The following WNT7B variants were observed in gnomAD, a reference collection of about 807,000 sequenced individuals.
WNT7B encodes the protein Wnt family member 7B, also known as protein Wnt-7b.
WNT7B carries 19 observed loss-of-function variants against 38.2 expected under a neutral mutation model. The ratio of observed to expected loss-of-function variants is 0.50; its 90% confidence interval spans 0.35 to 0.73. The LOEUF is 0.73. WNT7B is among the 30% of genes least tolerant of loss of function. WNT7B has a pLI of 0.01. For synonymous variants in WNT7B, 243 were observed against 209.3 expected (o/e 1.16, Z -1.39); for missense variants, 423 against 507.9 (o/e 0.83, Z 1.61).
chr22:45,930,878 C>T (rs948536372), intron 3 of WNT7B, among the ~76,000 whole-genome samples: 6 of 152,322 alleles, frequency 3.9e-5, no homozygotes, highest in African/African-American at 1.4e-4. Flanking sequence ...ATCGCGTTGG[C>T]ATTCAGAGCC....
At position 45,951,953 on chromosome 22, in the gene WNT7B, C is replaced by T. The variant is rs757661838; in HGVS notation, c.72-1807G>A. 2.6e-5 allele frequency among the ~76,000 whole-genome samples: 4 copies of T among 152,198 alleles called. No homozygotes were observed. Among genetic ancestry groups the T allele is most frequent in the African/African-American group, 4.8e-5 (2 of 41,434 alleles). ...TCTGAGGACTTGCCGGACTGCCCTC[C>T]ACAGCGGCTGCCCCAGTCATCTGGC... On this transcript the variant is annotated intron_variant, in intron 1 of 3. Transcript: ENST00000339464. This position sits in a 1 kb window ranked among gnomAD's most constrained non-coding sequence, Gnocchi z 4.8.
At chr22:45,928,516 G>A (rs1256542635) in intron 3 of WNT7B, among the ~76,000 whole-genome samples, 2 of 150,496 alleles carry the variant, frequency 1.3e-5, no homozygotes, top group Non-Finnish European at 2.9e-5. Context: ...TCCGAGACAA[G>A]GCTGGTAGGA....
rs1471606929 is a variant in WNT7B, at chr22:45,966,995, C to T, written c.71+9689G>A. Among the ~76,000 whole-genome samples, 1 of 152,210 alleles carries T rather than the reference C, an allele frequency of 6.6e-6. No homozygotes were observed. Among genetic ancestry groups the T allele is most frequent in the East Asian group, 1.9e-4 (1 of 5,184 alleles). On this transcript the variant is annotated intron_variant, in intron 1 of 3. Coordinates refer to ENST00000339464, the MANE Select transcript of WNT7B (RefSeq NM_058238.3). This position sits in a 1 kb window ranked among gnomAD's most constrained non-coding sequence, Gnocchi z 4.2. Reference sequence around the variant, plus strand: ...CTGCCAACAGTGGAGCTGACCCAAGCCTCAGGACCCACGCTCAGAGGACAA... The same window carrying T: ...CTGCCAACAGTGGAGCTGACCCAAGTCTCAGGACCCACGCTCAGAGGACAA...
Position 45,921,119 on chromosome 22 carries a change from A to C in WNT7B, c.*1737T>G, listed in dbSNP as rs1357702928. ...CATTCCTACGGGCTTCCAAGAGAAC[A>C]CACCCTAAATGGGGGCCAGGCCGTG... On this transcript the variant is annotated 3_prime_UTR_variant, in exon 4 of 4. Coordinates refer to ENST00000339464, the MANE Select transcript of WNT7B (RefSeq NM_058238.3). 6.6e-6 allele frequency: 1 copy of C among 152,274 alleles called. No homozygotes were observed. The highest frequency in any genetic ancestry group is 1.5e-5 in the Non-Finnish European group (1 of 68,150). The allele number at this position is 152,274 out of a possible 1,614,324, so 9.4% of individuals were successfully genotyped here.
At chr22:45,936,399 T>G (rs1269682367) in intron 2 of WNT7B, among the ~76,000 whole-genome samples, 2 of 152,206 alleles carry the variant, frequency 1.3e-5, no homozygotes, top group African/African-American at 2.4e-5. Context: ...CCGAGGTGTC[T>G]GTCTGTGCTC....
chr22:45,950,155 G>C lies in WNT7B; in HGVS notation c.72-9C>G, dbSNP rs1363772665. The C allele has an allele frequency of 1.2e-6, 2 of 1,609,540 alleles. No homozygotes were observed. The highest frequency in any genetic ancestry group is 1.3e-5 in the African/African-American group (1 of 75,014). On this transcript the variant is annotated splice_polypyrimidine_tract_variant and intron_variant, in intron 1 of 3. Coordinates refer to ENST00000339464, the MANE Select transcript of WNT7B (RefSeq NM_058238.3). Reference sequence around the variant, plus strand: ...CCACGGATGACAGTGCTCTGTGGAGGGGAGGAGACAGAGGCCGTGAGACGG... The same window carrying C: ...CCACGGATGACAGTGCTCTGTGGAGCGGAGGAGACAGAGGCCGTGAGACGG...
rs1555907789 is a variant in WNT7B at position 45,932,418 on chromosome 22, C to CCCG, written c.299-1050_299-1049insCGG. ...CCCTGTCCAGGCAGCCTTCCCAGAC[C>CCCG]CCCCCCGCCAGAAGGGAGCACTTGG... On this transcript the variant is annotated intron_variant, in intron 2 of 3. Coordinates refer to ENST00000339464, the MANE Select transcript of WNT7B (RefSeq NM_058238.3). Among the ~76,000 whole-genome samples, 6 of 149,870 alleles carry CCCG rather than the reference C, an allele frequency of 4.0e-5. 1 individual carries two copies. Among genetic ancestry groups the CCCG allele is most frequent in the Non-Finnish European group, 8.8e-5 (6 of 67,982 alleles).
At chr22:45,930,993 G>A (rs1017085898) in intron 3 of WNT7B, 105 bp downstream of exon 3, 3 of 1,425,158 alleles carry the variant, frequency 2.1e-6, no homozygotes, top group Admixed American at 5.5e-5. Context: ...CACACCTACG[G>A]AGACTCAACT....
chr22:45,968,735 C>G (rs922188281), intron 1 of WNT7B, among the ~76,000 whole-genome samples: 1 of 152,152 alleles, frequency 6.6e-6, no homozygotes, highest in Non-Finnish European at 1.5e-5. Flanking sequence ...CTCCACTTGC[C>G]CACCTCCAGT....
chr22:45,934,373 C>T (rs1005740397), intron 2 of WNT7B, among the ~76,000 whole-genome samples: 4 of 152,104 alleles, frequency 2.6e-5, no homozygotes, highest in South Asian at 2.1e-4. Context: ...GGGGGAAAGG[C>T]GCAGCTGTAG....
chr22:45,952,342 C>T (rs28610360), intron 1 of WNT7B, among the ~76,000 whole-genome samples: 3,510 of 152,352 alleles, frequency 0.023, 61 homozygotes, highest in African/African-American at 0.042. Context: ...CAGGGTGACA[C>T]TCAATCCCCG....
At chr22:45,929,516 C>G (rs563815301) in intron 3 of WNT7B, among the ~76,000 whole-genome samples, 1 of 141,492 alleles carries the variant, frequency 7.1e-6, no homozygotes, top group Non-Finnish European at 1.5e-5. Flanking sequence ...ACCAATACTT[C>G]CGTCCATCTT....
At position 45,922,100 on chromosome 22, in the gene WNT7B, G is replaced by A. The variant is rs1930944854; in HGVS notation, c.*756C>T. On this transcript the variant is annotated 3_prime_UTR_variant, in exon 4 of 4. Coordinates refer to ENST00000339464, the MANE Select transcript of WNT7B (RefSeq NM_058238.3). Reference sequence around the variant, plus strand: ...CAAAAGAAGGAAAGACGGCATGGAGGAGCCTGTCCATGGCTCTCCTCCAAG... The same window carrying A: ...CAAAAGAAGGAAAGACGGCATGGAGAAGCCTGTCCATGGCTCTCCTCCAAG... 6.6e-6 allele frequency: 1 copy of A among 152,260 alleles called. No homozygotes were observed. The highest frequency in any genetic ancestry group is 1.5e-5 in the Non-Finnish European group (1 of 68,074). 9.4% of individuals were successfully genotyped at this position (152,260 alleles called of 1,614,324 possible).
Position 45,951,123 on chromosome 22 carries a change from G to T in WNT7B, c.72-977C>A, listed in dbSNP as rs755125116. ...TTCGGAGTCTCACTCTGTCGCGCAGGCTGGAGTGCAGTGGTGTGATCTCAG... is the reference window on the plus strand; with the variant it reads ...TTCGGAGTCTCACTCTGTCGCGCAGTCTGGAGTGCAGTGGTGTGATCTCAG... On this transcript the variant is annotated intron_variant, in intron 1 of 3. Coordinates refer to ENST00000339464, the MANE Select transcript of WNT7B (RefSeq NM_058238.3). This position sits in a 1 kb window ranked among gnomAD's most constrained non-coding sequence, Gnocchi z 4.8. 6.6e-6 allele frequency among the ~76,000 whole-genome samples: 1 copy of T among 152,184 alleles called. No individual in the cohort carries two copies. Among genetic ancestry groups the T allele is most frequent in the African/African-American group, 2.4e-5 (1 of 41,438 alleles).
At chr22:45,954,022 G>T (rs1324907425) in intron 1 of WNT7B, among the ~76,000 whole-genome samples, 4 of 152,242 alleles carry the variant, frequency 2.6e-5, no homozygotes, top group African/African-American at 9.6e-5. Flanking sequence ...CCTGTCAACA[G>T]CTGAGTGGAT....
chr22:45,976,850 C>T lies in WNT7B; in HGVS notation c.-96G>A. On this transcript the variant is annotated 5_prime_UTR_variant, in exon 1 of 4. Coordinates refer to ENST00000339464, the MANE Select transcript of WNT7B (RefSeq NM_058238.3). This position sits in a 1 kb window ranked among gnomAD's most constrained non-coding sequence, Gnocchi z 8.5. Reference sequence around the variant, plus strand: ...CAGGGGCCAGGGGGCTGCGGGCAGACTGCGCTCAGCCCGCGCTGCGGCTCG... The same window carrying T: ...CAGGGGCCAGGGGGCTGCGGGCAGATTGCGCTCAGCCCGCGCTGCGGCTCG... 8.9e-7 allele frequency: 1 copy of T among 1,125,142 alleles called. No homozygotes were observed. The highest frequency in any genetic ancestry group is 1.1e-6 in the Non-Finnish European group (1 of 909,398). The allele number at this position is 1,125,142 out of a possible 1,614,324, so 69.7% of individuals were successfully genotyped here.
Position 45,925,765 on chromosome 22 carries a change from C to T in WNT7B, c.571-2430G>A. 5 of 985,424 alleles carry T rather than the reference C, an allele frequency of 5.1e-6. No homozygotes were observed. In the South Asian group the frequency reaches 2.3e-4, roughly 46 times the overall value. The allele number at this position is 985,424 out of a possible 1,614,324, so 61.0% of individuals were successfully genotyped here. On this transcript the variant is annotated intron_variant, in intron 3 of 3. Transcript: ENST00000339464. Reference sequence around the variant, plus strand: ...CCCCAGGAGCTGCCCTGATGGTGGCCCCTCTCGGAGTTCCCAGCCGGGAGA... The same window carrying T: ...CCCCAGGAGCTGCCCTGATGGTGGCTCCTCTCGGAGTTCCCAGCCGGGAGA...
intron 3 of WNT7B, chr22:45,925,580 C>G (rs745677253): frequency 3.0e-6 from 3 of 985,160 alleles, no homozygotes; most frequent in Admixed American, 6.2e-5. Flanking sequence ...CCTCCTGTCC[C>G]TCTCCCATCC....
At chr22:45,972,163 G>A in intron 1 of WNT7B, 1 of 600,030 alleles carries the variant, frequency 1.7e-6, no homozygotes, top group Non-Finnish European at 3.1e-6. Flanking sequence ...ACAAGTAGCT[G>A]CCGCTGGACA....
Sources: allele counts gnomAD v4.1 joint callset (sites outside exome capture counted in the v4.1 genomes callset), GRCh38; gene constraint gnomAD v4.1.1; non-coding constraint Gnocchi (gnomAD v3.1); transcripts MANE v1.5; gene names NCBI Gene and HGNC (gene_info 2026-07-23, HGNC 2026-07-21).